Variants in NUMB observed in about 807,000 individuals in gnomAD.
NUMB encodes the protein NUMB endocytic adaptor protein.
In NUMB, 29 loss-of-function variants were observed where a neutral mutation model predicts 59.7. The ratio of observed to expected loss-of-function variants is 0.49; its 90% CI spans 0.36 to 0.66. NUMB has a LOEUF of 0.66. NUMB is among the 30% of genes least tolerant of loss of function. The pLI, the probability that NUMB is intolerant of heterozygous loss-of-function variation, is 0.00. For synonymous variants in NUMB, 288 were observed against 288.2 expected (o/e 1.00, Z 0.01); for missense variants, 723 against 822.0 (o/e 0.88, Z 1.47).
chr14:73,303,324 A>G (rs1001652262), intron 6 of NUMB, among the ~76,000 whole-genome samples: 2 of 152,162 alleles, frequency 1.3e-5, no homozygotes, highest in African/African-American at 4.8e-5. Flanking sequence ...TCATGCCTGT[A>G]ATCCCAGCAC....
intron 4 of NUMB, among the ~76,000 whole-genome samples, chr14:73,334,058 G>GT (rs560823547): frequency 0.03 from 4,313 of 144,296 alleles, 213 homozygotes; most frequent in African/African-American, 0.1. Flanking sequence ...GTGTGTGTGT[G>GT]TTTTTTTTTC....
At chr14:73,409,777 A>G (rs2140132283) in intron 2 of NUMB, 160 bp downstream of exon 2, 1 of 152,360 alleles carries the variant, frequency 6.6e-6, no homozygotes, top group East Asian at 1.9e-4. Flanking sequence ...ACAATTAAGG[A>G]AATGTTTCAC....
At chr14:73,337,305 G>GT (rs1892381122) in intron 4 of NUMB, among the ~76,000 whole-genome samples, 1 of 152,108 alleles carries the variant, frequency 6.6e-6, no homozygotes, top group Admixed American at 6.6e-5. Context: ...GAGGCCAGGA[G>GT]TTTGAGACTA....
chr14:73,440,216 C>CAT (rs1315867410), intron 1 of NUMB, among the ~76,000 whole-genome samples: 2 of 130,862 alleles, frequency 1.5e-5, no homozygotes, highest in Non-Finnish European at 3.0e-5. Flanking sequence ...TATGGATATC[C>CAT]ATATATATAT....
chr14:73,347,583 T>C (rs1489791137), intron 4 of NUMB, among the ~76,000 whole-genome samples: 2 of 152,238 alleles, frequency 1.3e-5, no homozygotes, highest in Non-Finnish European at 2.9e-5. Context: ...AGTGCTGTCA[T>C]TATCATCAAA....
chr14:73,397,669 T>A (rs186759233), intron 2 of NUMB, among the ~76,000 whole-genome samples: 9 of 152,368 alleles, frequency 5.9e-5, no homozygotes, highest in African/African-American at 1.4e-4. Flanking sequence ...AATTGTTTTA[T>A]GAGCATTCTC....
At chr14:73,310,446 G>A (rs368316349) in intron 6 of NUMB, among the ~76,000 whole-genome samples, 1 of 152,272 alleles carries the variant, frequency 6.6e-6, no homozygotes. Context: ...CAGGCCATTG[G>A]GCTGTCTAGC....
In NUMB at chr14:73,284,184, A is replaced by G. The variant is rs2139809073; in HGVS notation, c.846T>C (p.Ala282=). The change falls in exon 10 of 13, where the codon GCT becomes GCC. Residue 282 remains alanine (A), a synonymous_variant. Coordinates refer to ENST00000555238, the MANE Select transcript of NUMB (RefSeq NM_001005743.2). ...TAAAGGGTGACATCTTCTGGCTAAG[A>G]GCAGGAAAACCTCGGAAAGAGCCTT... The part of the protein sequence containing the change: ...ARQGSFRGFP[A]LSQKMSPFKR... The G allele has an allele frequency of 6.2e-7, 1 of 1,614,182 alleles. No individual in the cohort carries two copies. Among genetic ancestry groups the G allele is most frequent in the Non-Finnish European group, 8.5e-7 (1 of 1,180,046 alleles).
chr14:73,422,451 C>A lies in NUMB; in HGVS notation c.-232-12383G>T, dbSNP rs913066613. 2.4e-4 allele frequency among the ~76,000 whole-genome samples: 36 copies of A among 152,062 alleles called. 1 individual carries two copies. Among genetic ancestry groups the A allele is most frequent in the African/African-American group, 8.5e-4 (35 of 41,394 alleles). On this transcript the variant is annotated intron_variant, in intron 1 of 12. Coordinates refer to ENST00000555238, the MANE Select transcript of NUMB (RefSeq NM_001005743.2). ...ACCATGAGTTGAATAGGATAAAAAG[C>A]CTAACCAATTTCTAACTCTGGTAAA...
chr14:73,404,069 T>A (rs1223808758), intron 2 of NUMB, among the ~76,000 whole-genome samples: 1 of 131,292 alleles, frequency 7.6e-6, no homozygotes, highest in Admixed American at 7.9e-5. Flanking sequence ...AGAGCAAGAC[T>A]CCGTCTGAAA....
chr14:73,349,951 A>T (rs150532089), intron 4 of NUMB, among the ~76,000 whole-genome samples: 3,352 of 152,154 alleles, frequency 0.022, 126 homozygotes, highest in African/African-American at 0.075. Flanking sequence ...GCTACTTGAG[A>T]GGTTGAGGCA....
At position 73,458,205 on chromosome 14, in the gene NUMB, G is replaced by C. The variant is rs141132409; in HGVS notation, c.-233+288C>G. ...GGCCGCCGGTCAGCGCGCTAGACCG[G>C]AGCAGCTGGACGTCCCAAGGGACCT... On this transcript the variant is annotated intron_variant, in intron 1 of 12. Transcript: ENST00000555238. The C allele has an allele frequency of 4.7e-3, 713 of 152,684 alleles. 5 individuals carry two copies. The highest frequency in any genetic ancestry group is 0.03 in the South Asian group (150 of 5,082). The allele number at this position is 152,684 out of a possible 1,614,324, so 9.5% of individuals were successfully genotyped here.
At chr14:73,322,164 G>A (rs1294656892) in intron 5 of NUMB, among the ~76,000 whole-genome samples, 1 of 152,226 alleles carries the variant, frequency 6.6e-6, no homozygotes, top group Non-Finnish European at 1.5e-5. Flanking sequence ...AGAGCATGCA[G>A]AAGTAATGCT....
At chr14:73,372,239 A>C (rs1894708811) in intron 2 of NUMB, among the ~76,000 whole-genome samples, 1 of 149,160 alleles carries the variant, frequency 6.7e-6, no homozygotes, top group South Asian at 2.1e-4. Flanking sequence ...TCTCAAAAAA[A>C]AAGAGGTGAA....
At position 73,284,128 on chromosome 14, in the gene NUMB, A is replaced by G; in HGVS notation, c.902T>C (p.Leu301Ser). 2 of 1,614,178 alleles carry G rather than the reference A, an allele frequency of 1.2e-6. No homozygotes were observed. The highest frequency in any genetic ancestry group is 1.7e-5 in the Admixed American group (1 of 60,016). ...AGTCTTCCTCTGCATAGTGGAAGGCAACTCATTGATGCGTAGGGATAGTTG... is the reference window on the plus strand; with the variant it reads ...AGTCTTCCTCTGCATAGTGGAAGGCGACTCATTGATGCGTAGGGATAGTTG... Reference protein sequence around the residue: ...KRQLSLRINELPSTMQRKTDF... With the variant: ...KRQLSLRINESPSTMQRKTDF... The change falls in exon 10 of 13, where the codon TTG becomes TCG. Residue 301 changes from leucine (L) to serine (S), a missense_variant. This residue lies in a region of NUMB where 317 missense variants were observed against 436.6 expected (regional missense o/e 0.73). Transcript: ENST00000555238.
chr14:73,386,902 A>G (rs918605833), intron 2 of NUMB, among the ~76,000 whole-genome samples: 2 of 56,882 alleles, frequency 3.5e-5, no homozygotes, highest in South Asian at 7.7e-4. Flanking sequence ...TTTTTTTGAG[A>G]CGGAGTCTCG....
chr14:73,396,597 T>G (rs2140108543), intron 2 of NUMB, among the ~76,000 whole-genome samples: 1 of 152,146 alleles, frequency 6.6e-6, no homozygotes, highest in South Asian at 2.1e-4. Flanking sequence ...CTCAAACTCC[T>G]GAGCTCAACT....
At chr14:73,368,957 G>A (rs1050642029) in intron 2 of NUMB, among the ~76,000 whole-genome samples, 4 of 152,042 alleles carry the variant, frequency 2.6e-5, no homozygotes. Flanking sequence ...CCTTCTGTTA[G>A]TATGGAGGTA....
chr14:73,352,195 T>C (rs1236638745), intron 4 of NUMB, among the ~76,000 whole-genome samples: 1 of 151,438 alleles, frequency 6.6e-6, no homozygotes, highest in East Asian at 1.9e-4. Context: ...TTTACCATTC[T>C]TTCCTCTTGT....
Sources: gnomAD v4.1 joint callset for allele counts (sites outside exome capture counted in the v4.1 genomes callset) on GRCh38, gnomAD v4.1.1 for gene constraint, gnomAD v4.1.1 regional missense constraint, MANE v1.5 for transcripts, NCBI Gene and HGNC (gene_info 2026-07-23, HGNC 2026-07-21) for gene names.